Variants in MSRA observed in about 807,000 individuals in gnomAD.
MSRA encodes methionine sulfoxide reductase A.
MSRA carries 54 observed loss-of-function variants against 31.3 expected under a neutral mutation model. That is an observed-to-expected ratio of 1.73 (90% CI 1.39 to 2.17). The LOEUF is 2.17. MSRA is among the 30% of genes most tolerant of loss of function. The pLI is 0.00. For synonymous variants in MSRA, 169 were observed against 116.5 expected (o/e 1.45, Z -2.90); for missense variants, 507 against 300.9 (o/e 1.69, Z -5.07).
chr8:10,233,328 T>G (rs895347685), intron 2 of MSRA, among the ~76,000 whole-genome samples: 16 of 152,100 alleles, frequency 1.1e-4, no homozygotes, highest in African/African-American at 2.9e-4. Flanking sequence ...GCCTGCAAAC[T>G]CAAATTCTAA....
Position 10,245,190 on chromosome 8 carries a change from A to G in MSRA, c.298A>G (p.Thr100Ala). The G allele has an allele frequency of 1.9e-6, 3 of 1,613,688 alleles. No homozygotes were observed. Among genetic ancestry groups the G allele is most frequent in the Non-Finnish European group, 2.5e-6 (3 of 1,179,796 alleles). ...STQVGFAGGY[T>A]SNPTYKEVCS... ...TCAAGTTGGTTTTGCAGGAGGCTAT[A>G]CTTCAAATCCTACTTATAAAGAAGT... Residue 100 changes from threonine (T) to alanine (A), a missense_variant, in exon 3 of 6, where the codon ACT becomes GCT. Coordinates refer to ENST00000317173, the MANE Select transcript of MSRA (RefSeq NM_012331.5).
intron 5 of MSRA, among the ~76,000 whole-genome samples, chr8:10,388,920 C>T (rs1057031737): frequency 9.2e-5 from 14 of 151,912 alleles, no homozygotes; most frequent in African/African-American, 1.9e-4. Flanking sequence ...TGGTCATTAC[C>T]GAATGTCTCC....
In MSRA at chr8:10,367,979, A is replaced by G. The variant is rs533168484; in HGVS notation, c.543+47990A>G. Among the ~76,000 whole-genome samples, 219 of 152,272 alleles carry G rather than the reference A, an allele frequency of 1.4e-3. 1 individual carries two copies. The highest frequency in any genetic ancestry group is 2.5e-3 in the Non-Finnish European group (168 of 68,004). On this transcript the variant is annotated intron_variant, in intron 5 of 5. Coordinates refer to ENST00000317173, the MANE Select transcript of MSRA (RefSeq NM_012331.5). ...AGGGGACTTGTGGGTGAAGATGGCA[A>G]TGGGGCCAATGCTAGCCCATCAGGA...
intron 3 of MSRA, among the ~76,000 whole-genome samples, chr8:10,279,172 A>T (rs1799484677): frequency 6.6e-6 from 1 of 152,148 alleles, no homozygotes; most frequent in Non-Finnish European, 1.5e-5. Context: ...TCATTAGTAA[A>T]AGTAGGGAAT....
At chr8:10,077,598 C>T (rs796186485) in intron 1 of MSRA, among the ~76,000 whole-genome samples, 4 of 149,248 alleles carry the variant, frequency 2.7e-5, no homozygotes, top group Admixed American at 1.4e-4. Flanking sequence ...GTTGGAATTA[C>T]AGCCATGAGT....
intron 5 of MSRA, among the ~76,000 whole-genome samples, chr8:10,354,732 A>ATG (rs1491566420): frequency 8.1e-5 from 8 of 98,670 alleles, no homozygotes; most frequent in Admixed American, 3.4e-4. Flanking sequence ...CAGTTATGTA[A>ATG]TATGTGTGTG....
At chr8:10,095,225 T>C (rs1799073107) in intron 1 of MSRA, among the ~76,000 whole-genome samples, 1 of 152,220 alleles carries the variant, frequency 6.6e-6, no homozygotes, top group Non-Finnish European at 1.5e-5. Flanking sequence ...TTTGATTTAT[T>C]GCAGGTTGTG....
chr8:10,240,521 G>A (rs1435664926), intron 2 of MSRA, among the ~76,000 whole-genome samples: 1 of 152,042 alleles, frequency 6.6e-6, no homozygotes, highest in Admixed American at 6.5e-5. Flanking sequence ...TTATCATGTG[G>A]TAAAGAGATC....
intron 1 of MSRA, among the ~76,000 whole-genome samples, chr8:10,147,262 C>T (rs1803228329): frequency 1.3e-5 from 2 of 152,122 alleles, no homozygotes; most frequent in Admixed American, 1.3e-4. Flanking sequence ...ATTCAAGGAA[C>T]CGGCGATCCA....
At chr8:10,183,450 C>G (rs1428465576) in intron 1 of MSRA, among the ~76,000 whole-genome samples, 1 of 152,096 alleles carries the variant, frequency 6.6e-6, no homozygotes, top group East Asian at 1.9e-4. Flanking sequence ...AGGGCAGAAT[C>G]CTACAACTAG....
chr8:10,214,550 C>A (rs1234316949), intron 2 of MSRA, among the ~76,000 whole-genome samples: 1 of 144,084 alleles, frequency 6.9e-6, no homozygotes, highest in Non-Finnish European at 1.5e-5. Flanking sequence ...GCGTATTTCT[C>A]CCTGAATCTT....
At chr8:10,349,075 A>G (rs1329840608) in intron 5 of MSRA, among the ~76,000 whole-genome samples, 1 of 152,240 alleles carries the variant, frequency 6.6e-6, no homozygotes, top group Non-Finnish European at 1.5e-5. Context: ...GAATAATCAT[A>G]TGCGATACAT....
At chr8:10,399,571 C>T (rs754245661) in intron 5 of MSRA, among the ~76,000 whole-genome samples, 30 of 152,186 alleles carry the variant, frequency 2.0e-4, no homozygotes, top group Admixed American at 1.8e-3. Context: ...CACCAGAAGC[C>T]GAGCAGATGC....
intron 1 of MSRA, among the ~76,000 whole-genome samples, chr8:10,207,591 G>C (rs1297932497): frequency 6.6e-6 from 1 of 152,150 alleles, no homozygotes; most frequent in African/African-American, 2.4e-5. Context: ...CCATTGTCCA[G>C]CTCTGCACAA....
At position 10,181,019 on chromosome 8, in the gene MSRA, C is replaced by T. The variant is rs117311257; in HGVS notation, c.143-26814C>T. Among the ~76,000 whole-genome samples, 159 of 152,278 alleles carry T rather than the reference C, an allele frequency of 1.0e-3. 1 individual carries two copies. In the East Asian group the frequency reaches 0.024, roughly 23 times the overall value. On this transcript the variant is annotated intron_variant, in intron 1 of 5. Transcript: ENST00000317173. ...CTCTGGACTTCTCTATCAAATCCAC[C>T]GTTAACCCATCAAATATTTATTGAA...
At chr8:10,342,782 C>G (rs1803511860) in intron 5 of MSRA, among the ~76,000 whole-genome samples, 1 of 152,188 alleles carries the variant, frequency 6.6e-6, no homozygotes, top group East Asian at 1.9e-4. Context: ...GAGCTTCTGC[C>G]CAGTGGGCTT....
In MSRA at chr8:10,195,020, A is replaced by G. The variant is rs193231822; in HGVS notation, c.143-12813A>G. On this transcript the variant is annotated intron_variant, in intron 1 of 5. Transcript: ENST00000317173. ...CTCCTGCACTTTGATTTTTCCCTCA[A>G]TTAACTGTGTATCTGGTAGATAGTT... Among the ~76,000 whole-genome samples, 169 of 152,342 alleles carry G rather than the reference A, an allele frequency of 1.1e-3. 1 individual carries two copies. The highest frequency in any genetic ancestry group is 1.7e-3 in the Non-Finnish European group (117 of 68,024).
At chr8:10,215,243 G>T (rs999005333) in intron 2 of MSRA, among the ~76,000 whole-genome samples, 3 of 152,192 alleles carry the variant, frequency 2.0e-5, no homozygotes, top group African/African-American at 7.2e-5. Context: ...GGAGGAGTCT[G>T]TAAAGAATTC....
chr8:10,392,323 G>A (rs911495101), intron 5 of MSRA, among the ~76,000 whole-genome samples: 2 of 152,162 alleles, frequency 1.3e-5, no homozygotes, highest in African/African-American at 4.8e-5. Context: ...AGCTTGGATC[G>A]TGATGGCTAG....
Sources: allele counts gnomAD v4.1 joint callset (sites outside exome capture counted in the v4.1 genomes callset), GRCh38; gene constraint gnomAD v4.1.1; transcripts MANE v1.5; gene names NCBI Gene and HGNC (gene_info 2026-07-23, HGNC 2026-07-21).